SH3RF3: variants seen among roughly 807,000 people sequenced by gnomAD.
SH3RF3 encodes the protein SH3 domain containing ring finger 3.
SH3RF3 carries 29 observed loss-of-function variants against 66.3 expected under a neutral mutation model. The observed-to-expected ratio is 0.44, with a 90% CI of 0.33 to 0.60. SH3RF3 has a LOEUF of 0.60. Ranked by LOEUF, SH3RF3 falls within the 20% of genes least tolerant of loss-of-function variation. The pLI is 0.04. For missense variants in SH3RF3, 1,194 were observed against 1,190.9 expected, an observed-to-expected ratio of 1.00 and a Z score of -0.04; for synonymous variants, 583 against 532.0, an observed-to-expected ratio of 1.10 and a Z score of -1.32.
chr2:109,206,457 C>G lies in SH3RF3; in HGVS notation c.573+76344C>G, dbSNP rs181664189. On this transcript the variant is annotated intron_variant, in intron 1 of 9. Coordinates refer to ENST00000309415, the MANE Select transcript of SH3RF3 (RefSeq NM_001099289.3). Reference sequence around the variant, plus strand: ...AGTTAACCAACATCGTGCCACCGCACTCCAGCCTGGGCGACAGAGTGAGAC... The same window carrying G: ...AGTTAACCAACATCGTGCCACCGCAGTCCAGCCTGGGCGACAGAGTGAGAC... 2.3e-4 allele frequency among the ~76,000 whole-genome samples: 32 copies of G among 138,272 alleles called. No homozygotes were observed. The East Asian group carries it at 5.3e-3, about 23-fold the overall frequency. The allele number at this position is 138,272 out of a possible 152,430, so 90.7% of individuals were successfully genotyped here. A position where few individuals can be genotyped will look rare whatever the true frequency, so the allele number is the denominator to read the frequency against.
chr2:109,426,880 C>T (rs971685996), intron 5 of SH3RF3, among the ~76,000 whole-genome samples: 1 of 152,138 alleles, frequency 6.6e-6, no homozygotes, highest in Non-Finnish European at 1.5e-5. Flanking sequence ...AGCAACTATT[C>T]ACATCAAGAC....
At chr2:109,178,855 A>G (rs1677994909) in intron 1 of SH3RF3, among the ~76,000 whole-genome samples, 1 of 152,232 alleles carries the variant, frequency 6.6e-6, no homozygotes, top group Non-Finnish European at 1.5e-5. Context: ...TATTCACTGA[A>G]TTAATAAATG....
chr2:109,455,779 G>A (rs764663939), intron 8 of SH3RF3, among the ~76,000 whole-genome samples: 18 of 152,202 alleles, frequency 1.2e-4, no homozygotes, highest in Non-Finnish European at 5.9e-5. Flanking sequence ...TGCTGCCAGC[G>A]CTCATCCCAG....
intron 1 of SH3RF3, among the ~76,000 whole-genome samples, chr2:109,309,511 TA>T (rs1681677941): frequency 7.8e-6 from 1 of 128,818 alleles, no homozygotes; most frequent in Non-Finnish European, 1.6e-5. Flanking sequence ...ATATTAACTT[TA>T]AATGTAAATG....
Position 109,347,737 on chromosome 2 carries a change from C to T in SH3RF3, c.637C>T (p.Leu213Phe), listed in dbSNP as rs2105560925. 1.9e-6 allele frequency: 3 copies of T among 1,613,912 alleles called. No individual in the cohort carries two copies. Among genetic ancestry groups the T allele is most frequent in the African/African-American group, 1.3e-5 (1 of 75,024 alleles). Residue 213 changes from leucine to phenylalanine, a missense_variant, in exon 2 of 10, where the codon CTC (leucine) becomes TTC (phenylalanine). Leu to Phe is a conservative substitution (Grantham distance 22, BLOSUM62 0). Transcript: ENST00000309415. Reference protein sequence around the residue: ...YSYEGKEPGDLKFNKGDIIVL... With the variant: ...YSYEGKEPGDFKFNKGDIIVL... ...CTACGAGGGGAAGGAACCTGGTGAC[C>T]TCAAGTTCAACAAGGGGGACATCAT...
intron 8 of SH3RF3, among the ~76,000 whole-genome samples, chr2:109,489,731 T>A (rs1367264837): frequency 7.9e-6 from 1 of 126,566 alleles, no homozygotes; most frequent in African/African-American, 3.0e-5. Flanking sequence ...CGGACAAGGT[T>A]TTTTTTGGCG....
chr2:109,439,541 G>T (rs1214065683), intron 7 of SH3RF3, among the ~76,000 whole-genome samples: 2 of 152,112 alleles, frequency 1.3e-5, no homozygotes, highest in Non-Finnish European at 2.9e-5. Context: ...TTCTCATCTC[G>T]AGCCAAAGTC....
intron 8 of SH3RF3, among the ~76,000 whole-genome samples, chr2:109,452,004 T>C (rs1185770840): frequency 6.6e-6 from 1 of 152,262 alleles, no homozygotes; most frequent in African/African-American, 2.4e-5. Context: ...CCACACATTG[T>C]GTGTGCTTTT....
At chr2:109,462,396 C>A (rs1007039110) in intron 8 of SH3RF3, among the ~76,000 whole-genome samples, 1 of 152,080 alleles carries the variant, frequency 6.6e-6, no homozygotes, top group Non-Finnish European at 1.5e-5. Flanking sequence ...TTTGCTTAAA[C>A]AACGAAACCA....
intron 3 of SH3RF3, among the ~76,000 whole-genome samples, chr2:109,397,730 C>T (rs1244771379): frequency 6.6e-6 from 1 of 152,212 alleles, no homozygotes; most frequent in Non-Finnish European, 1.5e-5. Context: ...CCTGGGCTGC[C>T]CCTCCCAGCC....
intron 8 of SH3RF3, among the ~76,000 whole-genome samples, chr2:109,467,333 A>G (rs566914204): frequency 6.6e-6 from 1 of 152,408 alleles, no homozygotes; most frequent in South Asian, 2.1e-4. Context: ...TGATACACAC[A>G]GCAATGGAAG....
At chr2:109,477,958 C>A (rs1216293333) in intron 8 of SH3RF3, among the ~76,000 whole-genome samples, 1 of 152,204 alleles carries the variant, frequency 6.6e-6, no homozygotes, top group African/African-American at 2.4e-5. Context: ...CCTGCCTTTG[C>A]TGGAGGGTTC....
chr2:109,334,928 G>A (rs1682374763), intron 1 of SH3RF3, among the ~76,000 whole-genome samples: 1 of 152,212 alleles, frequency 6.6e-6, no homozygotes, highest in Non-Finnish European at 1.5e-5. Flanking sequence ...TGGCCTTCCT[G>A]GAAAGGTTCT....
At chr2:109,493,446 AAC>A (rs1227850322) in intron 9 of SH3RF3, among the ~76,000 whole-genome samples, 1 of 150,492 alleles carries the variant, frequency 6.6e-6, no homozygotes, top group Non-Finnish European at 1.5e-5. Flanking sequence ...CACATGTGCA[AAC>A]ACACTCCACA....
At chr2:109,361,065 T>C (rs1250529965) in intron 2 of SH3RF3, among the ~76,000 whole-genome samples, 18 of 152,236 alleles carry the variant, frequency 1.2e-4, no homozygotes, top group Admixed American at 1.2e-3. Context: ...AAGCTTTTTC[T>C]GTATTTACTG....
chr2:109,233,094 G>A (rs144626015), intron 1 of SH3RF3, among the ~76,000 whole-genome samples: 20 of 152,328 alleles, frequency 1.3e-4, no homozygotes, highest in Admixed American at 5.2e-4. Context: ...CACAGCAGTG[G>A]CGAGGGGTGT....
intron 1 of SH3RF3, among the ~76,000 whole-genome samples, chr2:109,165,120 C>A (rs905420048): frequency 1.3e-5 from 2 of 152,180 alleles, no homozygotes; most frequent in East Asian, 1.9e-4. Context: ...TGGCTTCCCC[C>A]CTCCTTTAGT....
At chr2:109,262,700 A>G (rs1366837483) in intron 1 of SH3RF3, among the ~76,000 whole-genome samples, 4 of 152,158 alleles carry the variant, frequency 2.6e-5, no homozygotes, top group Non-Finnish European at 4.4e-5. Context: ...TTATCAGGAG[A>G]TAATTCTTTA....
At chr2:109,431,919 A>G (rs1398291133) in intron 5 of SH3RF3, among the ~76,000 whole-genome samples, 1 of 152,148 alleles carries the variant, frequency 6.6e-6, no homozygotes, top group Non-Finnish European at 1.5e-5. Context: ...ACTGCAAGGA[A>G]GTGTGCAACC....
Sources: gnomAD v4.1 joint callset for allele counts (sites outside exome capture counted in the v4.1 genomes callset) on GRCh38, gnomAD v4.1.1 for gene constraint, MANE v1.5 for transcripts, NCBI Gene and HGNC (gene_info 2026-07-23, HGNC 2026-07-21) for gene names.